Variants in ARHGAP24 observed in about 807,000 individuals in gnomAD.
ARHGAP24 encodes the protein Rho GTPase activating protein 24.
In ARHGAP24, 50 loss-of-function variants were observed where a neutral mutation model predicts 76.4. The ratio of observed to expected loss-of-function variants is 0.65; its 90% CI spans 0.52 to 0.83. The LOEUF (loss-of-function observed/expected upper bound fraction) is 0.83, where lower values mean the gene tolerates loss of function less well. Among genes scored for constraint, ARHGAP24 ranks in the 40% least tolerant of loss-of-function variants. The pLI, the probability that ARHGAP24 is intolerant of heterozygous loss-of-function variation, is 0.00. For synonymous variants in ARHGAP24, 345 were observed against 323.3 expected (o/e 1.07, Z -0.72); for missense variants, 930 against 914.2 (o/e 1.02, Z -0.22).
intron 2 of ARHGAP24, among the ~76,000 whole-genome samples, chr4:85,721,185 C>A (rs1724919223): frequency 6.6e-6 from 1 of 152,030 alleles, no homozygotes; most frequent in African/African-American, 2.4e-5. Context: ...CACCTAAGGT[C>A]AGGAGTTCGA....
intron 2 of ARHGAP24, among the ~76,000 whole-genome samples, chr4:85,651,916 T>C (rs1174145085): frequency 6.6e-6 from 1 of 152,154 alleles, no homozygotes; most frequent in Non-Finnish European, 1.5e-5. Flanking sequence ...CAGATGGGCT[T>C]AGAAGTATAA....
intron 5 of ARHGAP24, among the ~76,000 whole-genome samples, chr4:85,970,050 A>T (rs1738881675): frequency 1.3e-5 from 2 of 152,196 alleles, no homozygotes; most frequent in Non-Finnish European, 2.9e-5. Context: ...AACAGTTGAC[A>T]CTATGCCTGC....
intron 4 of ARHGAP24, among the ~76,000 whole-genome samples, chr4:85,926,299 A>G (rs6531884): frequency 0.13 from 19,139 of 152,244 alleles, 1,312 homozygotes; most frequent in African/African-American, 0.16. Context: ...TTTAGCATAT[A>G]GCACTCATAA....
intron 3 of ARHGAP24, chr4:85,723,666 C>T (rs1331480871): frequency 6.6e-6 from 1 of 152,124 alleles, no homozygotes; most frequent in Non-Finnish European, 1.5e-5. Flanking sequence ...GTAATAGCTG[C>T]TAAATTAGGT....
intron 3 of ARHGAP24, among the ~76,000 whole-genome samples, chr4:85,745,945 C>T (rs1726017303): frequency 6.6e-6 from 1 of 152,348 alleles, no homozygotes; most frequent in South Asian, 2.1e-4. Flanking sequence ...TGTAGCCTGA[C>T]AGTCCAGTGG....
chr4:85,732,973 C>T (rs1725463820), intron 3 of ARHGAP24, among the ~76,000 whole-genome samples: 2 of 150,748 alleles, frequency 1.3e-5, no homozygotes, highest in African/African-American at 2.4e-5. Context: ...GCTGGAATTA[C>T]AGGCGTGAGC....
chr4:85,838,422 C>T (rs974954001), intron 3 of ARHGAP24, among the ~76,000 whole-genome samples: 6 of 152,076 alleles, frequency 3.9e-5, no homozygotes, highest in Admixed American at 3.9e-4. Flanking sequence ...ACAGTGAAAC[C>T]CCATCTCTAC....
chr4:85,674,812 T>C (rs1020291157), intron 2 of ARHGAP24, among the ~76,000 whole-genome samples: 1 of 152,248 alleles, frequency 6.6e-6, no homozygotes, highest in Non-Finnish European at 1.5e-5. Flanking sequence ...CCATCTTGAA[T>C]TGACCTGATG....
At chr4:85,593,978 T>C (rs1232591509) in intron 2 of ARHGAP24, among the ~76,000 whole-genome samples, 1 of 152,100 alleles carries the variant, frequency 6.6e-6, no homozygotes. Context: ...TTTTTTTCTA[T>C]TTCTGTGAAG....
At chr4:85,853,181 G>T (rs1473768769) in intron 3 of ARHGAP24, among the ~76,000 whole-genome samples, 1 of 152,186 alleles carries the variant, frequency 6.6e-6, no homozygotes, top group Non-Finnish European at 1.5e-5. Flanking sequence ...CCTCAGCAAT[G>T]GTGGACGCCC....
intron 2 of ARHGAP24, among the ~76,000 whole-genome samples, chr4:85,627,427 T>G (rs1721000783): frequency 6.6e-6 from 1 of 152,168 alleles, no homozygotes; most frequent in Non-Finnish European, 1.5e-5. Context: ...TGATCATTCC[T>G]CTGGAAGTTT....
At chr4:85,847,858 TATGAGCATCCCCAAAA>T (rs1730973066) in intron 3 of ARHGAP24, among the ~76,000 whole-genome samples, 1 of 152,066 alleles carries the variant, frequency 6.6e-6, no homozygotes. Flanking sequence ...ATCCCCAAGT[TATGAGCATCCCCAAAA>T]ATGAGCATTG....
intron 3 of ARHGAP24, among the ~76,000 whole-genome samples, chr4:85,851,242 A>C (rs345335): frequency 6.6e-6 from 1 of 152,096 alleles, no homozygotes; most frequent in Non-Finnish European, 1.5e-5. Flanking sequence ...TTGGTTTAAA[A>C]TCTGTTTTAT....
chr4:85,697,509 TA>T (rs145288174), intron 2 of ARHGAP24, among the ~76,000 whole-genome samples: 1 of 152,110 alleles, frequency 6.6e-6, no homozygotes, highest in Non-Finnish European at 1.5e-5. Context: ...TAATAAATTT[TA>T]AAAAAATATG....
chr4:85,696,357 A>G (rs199874884), intron 2 of ARHGAP24, among the ~76,000 whole-genome samples: 4 of 152,104 alleles, frequency 2.6e-5, no homozygotes, highest in African/African-American at 9.6e-5. Flanking sequence ...TTCATCATCA[A>G]CTTTTATTAG....
chr4:85,482,403 T>G (rs1722851646), intron 1 of ARHGAP24, among the ~76,000 whole-genome samples: 1 of 152,120 alleles, frequency 6.6e-6, no homozygotes, highest in African/African-American at 2.4e-5. Flanking sequence ...CCTATAAGAT[T>G]AGGTAAGGTT....
At chr4:85,746,579 C>A (rs558129482) in intron 3 of ARHGAP24, among the ~76,000 whole-genome samples, 1 of 152,210 alleles carries the variant, frequency 6.6e-6, no homozygotes, top group Middle Eastern at 3.4e-3. Flanking sequence ...ATATTTTGTG[C>A]CTGCATGTAT....
At chr4:85,499,093 G>A (rs1723692971) in intron 1 of ARHGAP24, among the ~76,000 whole-genome samples, 2 of 152,108 alleles carry the variant, frequency 1.3e-5, no homozygotes, top group Non-Finnish European at 2.9e-5. Context: ...TTATTACTAA[G>A]TGGTTATCAC....
intron 3 of ARHGAP24, among the ~76,000 whole-genome samples, chr4:85,875,886 G>T (rs1732906104): frequency 6.6e-6 from 1 of 150,924 alleles, no homozygotes; most frequent in Non-Finnish European, 1.5e-5. Context: ...GAGACTACAG[G>T]CATGTGCCAT....
Sources: gnomAD v4.1 joint callset for allele counts (sites outside exome capture counted in the v4.1 genomes callset) on GRCh38, gnomAD v4.1.1 for gene constraint, MANE v1.5 for transcripts, NCBI Gene and HGNC (gene_info 2026-07-23, HGNC 2026-07-21) for gene names.